PAQR3: variants seen among roughly 807,000 people sequenced by gnomAD.
PAQR3 encodes Raf kinase trapping to Golgi.
In PAQR3, 39 loss-of-function variants were observed where a neutral mutation model predicts 41.7. The observed-to-expected ratio is 0.93, with a 90% CI of 0.72 to 1.22. The LOEUF is 1.22. Among genes scored for constraint, PAQR3 ranks in the 50% most tolerant of loss-of-function variants. The pLI is 0.00. For missense variants in PAQR3, 366 were observed against 385.6 expected (o/e 0.95, Z 0.42); for synonymous variants, 140 against 140.6 (o/e 1.00, Z 0.03).
chr4:78,908,782 A>G (rs1475203775), downstream of PAQR3, among the ~76,000 whole-genome samples: 1 of 152,194 alleles, frequency 6.6e-6, no homozygotes, highest in East Asian at 1.9e-4. Flanking sequence ...GTGTGGGTAC[A>G]TAGTAGGTAT....
chr4:78,918,685 T>C lies in PAQR3; in HGVS notation c.*1854A>G. The stretch of plus-strand genomic sequence containing the variant: ...ATACTAATACAGGGACTGCAAAAAT[T>C]GAAATGATTCAATGTTTTTTTATTT... On this transcript the variant is annotated 3_prime_UTR_variant, in exon 6 of 6. Coordinates refer to ENST00000512733, the MANE Select transcript of PAQR3 (RefSeq NM_001040202.2). The C allele has an allele frequency of 1.0e-6, 1 of 960,996 alleles. No homozygotes were observed. The highest frequency in any genetic ancestry group is 1.2e-6 in the Non-Finnish European group (1 of 807,714). 59.5% of individuals were successfully genotyped at this position (960,996 alleles called of 1,614,324 possible). A position where few individuals can be genotyped will look rare whatever the true frequency, so the allele number is the denominator to read the frequency against.
At chr4:78,935,313 T>C (rs1015951315) in intron 1 of PAQR3, 30 bp from the exon 2 acceptor site, 1 of 1,595,664 alleles carries the variant, frequency 6.3e-7, no homozygotes, top group African/African-American at 1.3e-5. Flanking sequence ...GCAACTGAGA[T>C]TCACATTGGC....
intron 11 of PAQR3, among the ~76,000 whole-genome samples, chr4:78,902,135 G>A (rs1434634141): frequency 2.0e-5 from 3 of 152,078 alleles, no homozygotes; most frequent in Admixed American, 2.0e-4. Flanking sequence ...TAATAGTTAC[G>A]ATATACTGAA....
chr4:78,930,880 T>TTATA (rs147412098), intron 2 of PAQR3, among the ~76,000 whole-genome samples: 85 of 150,380 alleles, frequency 5.7e-4, no homozygotes, highest in South Asian at 2.3e-3. Context: ...CATGCACACA[T>TTATA]TATATATATA....
Position 78,930,283 on chromosome 4 carries a change from G to A in PAQR3, c.391C>T (p.His131Tyr), listed in dbSNP as rs1736712153. Reference sequence around the variant, plus strand: ...CTTCGACATGTTTTTTCTGACCGATGGCAGGAAAAAAGATGATAGCCCACA... The same window carrying A: ...CTTCGACATGTTTTTTCTGACCGATAGCAGGAAAAAAGATGATAGCCCACA... ...CSVGYHLFSC[H>Y]RSEKTCRRWM... Residue 131 changes from histidine to tyrosine, a missense_variant, in exon 3 of 6, where the codon CAT becomes TAT. His to Tyr is a moderately conservative substitution (Grantham distance 83, BLOSUM62 2). Transcript: ENST00000512733. The A allele has an allele frequency of 6.2e-7, 1 of 1,613,038 alleles. No homozygotes were observed. Among genetic ancestry groups the A allele is most frequent in the Non-Finnish European group, 8.5e-7 (1 of 1,179,622 alleles).
chr4:78,923,800 T>C (rs1235434533), intron 5 of PAQR3, 57 bp downstream of exon 5: 11 of 1,123,590 alleles, frequency 9.8e-6, no homozygotes, highest in Middle Eastern at 1.9e-4. Flanking sequence ...CTGATGCATA[T>C]ACCTTGGGCA....
chr4:78,923,557 T>C (rs1158014637), intron 5 of PAQR3: 1 of 371,940 alleles, frequency 2.7e-6, no homozygotes, highest in Non-Finnish European at 4.9e-6. Context: ...TTGACGGTGT[T>C]CTACTTTTTA....
At chr4:78,935,743 G>T (rs1411686129) in intron 1 of PAQR3, among the ~76,000 whole-genome samples, 1 of 152,168 alleles carries the variant, frequency 6.6e-6, no homozygotes, top group Non-Finnish European at 1.5e-5. Context: ...CCTGCTCAGT[G>T]CAAGGTTAGG....
intron 11 of PAQR3, among the ~76,000 whole-genome samples, chr4:78,901,141 T>C (rs953292844): frequency 3.3e-5 from 5 of 152,150 alleles, no homozygotes; most frequent in African/African-American, 1.2e-4. Flanking sequence ...CCTCTTGGGC[T>C]CAAGCAATCC....
intron 11 of PAQR3, among the ~76,000 whole-genome samples, chr4:78,891,496 T>C (rs1312615470): frequency 6.6e-6 from 1 of 152,212 alleles, no homozygotes; most frequent in Admixed American, 6.5e-5. Context: ...TTAAAATCAT[T>C]CCTCTTACTA....
intron 11 of PAQR3, among the ~76,000 whole-genome samples, chr4:78,893,105 A>G (rs1170256193): frequency 6.6e-6 from 1 of 152,230 alleles, no homozygotes; most frequent in East Asian, 1.9e-4. Flanking sequence ...AATTCCCTCA[A>G]ACCATACCAT....
intron 1 of PAQR3, among the ~76,000 whole-genome samples, chr4:78,936,658 C>T (rs116523004): frequency 0.016 from 2,455 of 152,310 alleles, 70 homozygotes; most frequent in African/African-American, 0.056. Flanking sequence ...GTAAAGACTA[C>T]TTATAACTGG....
intron 11 of PAQR3, among the ~76,000 whole-genome samples, chr4:78,903,367 TTAAG>T (rs773759567): frequency 3.3e-5 from 5 of 152,012 alleles, no homozygotes; most frequent in Non-Finnish European, 4.4e-5. Context: ...TCACAACTTT[TTAAG>T]TAAGTAAGCT....
At chr4:78,933,644 T>C (rs548578823) in intron 2 of PAQR3, among the ~76,000 whole-genome samples, 163 of 152,322 alleles carry the variant, frequency 1.1e-3, no homozygotes, top group African/African-American at 3.3e-3. Flanking sequence ...ACAATGATCA[T>C]TGCACTAGCA....
intron 3 of PAQR3, 135 bp from the exon 4 acceptor site, chr4:78,926,853 T>C (rs1736290669): frequency 1.3e-6 from 1 of 758,682 alleles, no homozygotes; most frequent in Non-Finnish European, 2.2e-6. Context: ...ATTATCTCCC[T>C]TCATTAAAAA....
chr4:78,934,226 CTG>C (rs1313863451), intron 2 of PAQR3, among the ~76,000 whole-genome samples: 3 of 152,066 alleles, frequency 2.0e-5, no homozygotes, highest in Non-Finnish European at 2.9e-5. Context: ...ATTTGTTTTG[CTG>C]TGTTTCTTGG....
At chr4:78,903,910 G>A (rs190697186) in intron 11 of PAQR3, among the ~76,000 whole-genome samples, 5 of 152,040 alleles carry the variant, frequency 3.3e-5, no homozygotes, top group Non-Finnish European at 7.4e-5. Context: ...AGAATTTACA[G>A]ATGAGAGTTT....
chr4:78,928,277 C>T (rs768286260), intron 3 of PAQR3, among the ~76,000 whole-genome samples: 10 of 152,058 alleles, frequency 6.6e-5, no homozygotes, highest in Non-Finnish European at 1.2e-4. Context: ...AAGATATAAA[C>T]AGTTTCATGC....
chr4:78,908,394 C>A (rs565851791), downstream of PAQR3, among the ~76,000 whole-genome samples: 3 of 152,302 alleles, frequency 2.0e-5, no homozygotes, highest in South Asian at 6.2e-4. Context: ...TGTGACATTG[C>A]ACTCAGCTGT....
Sources: gnomAD v4.1 joint callset for allele counts (sites outside exome capture counted in the v4.1 genomes callset) on GRCh38, gnomAD v4.1.1 for gene constraint, MANE v1.5 for transcripts, NCBI Gene and HGNC (gene_info 2026-07-23, HGNC 2026-07-21) for gene names.